The following DLG2 variants were observed in gnomAD, a reference collection of about 807,000 sequenced individuals.
The protein encoded by DLG2 is discs large MAGUK scaffold protein 2.
A neutral mutation model predicts 132.5 loss-of-function variants in DLG2; 45 were observed. That is an observed-to-expected ratio of 0.34 (90% CI 0.27 to 0.44). DLG2 has a LOEUF of 0.44. DLG2 is among the 20% of genes least tolerant of loss of function. The probability of loss-of-function intolerance (pLI) is 1.00; values close to 1 mark genes in which losing one functional copy is unlikely to be tolerated. For synonymous variants in DLG2, 424 were observed against 419.6 expected (o/e 1.01, Z -0.13); for missense variants, 1,045 against 1,196.9 (o/e 0.87, Z 1.87).
At chr11:85,360,711 T>C (rs2084076016) in intron 3 of DLG2, among the ~76,000 whole-genome samples, 1 of 152,184 alleles carries the variant, frequency 6.6e-6, no homozygotes, top group Non-Finnish European at 1.5e-5. Context: ...GCTCACACTT[T>C]CAACTTTACT....
chr11:85,605,132 C>G (rs915593868), intron 2 of DLG2, among the ~76,000 whole-genome samples: 7 of 152,106 alleles, frequency 4.6e-5, no homozygotes, highest in African/African-American at 1.7e-4. Context: ...TTAAAAAGAA[C>G]TTTTAAATGC....
intron 3 of DLG2, among the ~76,000 whole-genome samples, chr11:85,595,928 A>C (rs927543993): frequency 6.6e-6 from 1 of 152,192 alleles, no homozygotes. Flanking sequence ...ATGATGAAGG[A>C]CCACAAAAGG....
chr11:84,966,266 T>G (rs1187328793), intron 6 of DLG2, among the ~76,000 whole-genome samples: 2 of 152,038 alleles, frequency 1.3e-5, no homozygotes, highest in African/African-American at 4.8e-5. Context: ...ATTACCAACA[T>G]ACCCCAGTTA....
chr11:84,410,594 T>C (rs1332550096), intron 7 of DLG2, among the ~76,000 whole-genome samples: 2 of 150,504 alleles, frequency 1.3e-5, no homozygotes, highest in Non-Finnish European at 3.0e-5. Flanking sequence ...TTTTTTTTTT[T>C]TTTGAGATGA....
intron 3 of DLG2, among the ~76,000 whole-genome samples, chr11:85,545,086 T>C (rs2076223425): frequency 6.6e-6 from 1 of 152,228 alleles, no homozygotes; most frequent in Admixed American, 6.5e-5. Flanking sequence ...AAGGGAATGC[T>C]TCCAGTTTTT....
intron 5 of DLG2, among the ~76,000 whole-genome samples, chr11:85,148,418 G>A (rs1282383802): frequency 6.6e-6 from 1 of 151,992 alleles, no homozygotes; most frequent in African/African-American, 2.4e-5. Context: ...AGCATCTATT[G>A]TTTGTTGCTT....
At chr11:83,981,945 T>G (rs1194399368) in intron 11 of DLG2, among the ~76,000 whole-genome samples, 1 of 152,082 alleles carries the variant, frequency 6.6e-6, no homozygotes, top group Non-Finnish European at 1.5e-5. Flanking sequence ...AGTGATAGAG[T>G]ACACATACGA....
At chr11:84,784,481 T>A (rs1240876211) in intron 6 of DLG2, among the ~76,000 whole-genome samples, 1 of 151,950 alleles carries the variant, frequency 6.6e-6, no homozygotes, top group Admixed American at 6.6e-5. Context: ...AAAATAAGAC[T>A]GTGTACCTCC....
At chr11:84,266,629 C>T (rs1292602245) in intron 7 of DLG2, among the ~76,000 whole-genome samples, 1 of 152,190 alleles carries the variant, frequency 6.6e-6, no homozygotes, top group African/African-American at 2.4e-5. Context: ...ACAAAACGCA[C>T]TTGGAACACC....
chr11:85,126,912 C>T (rs2075179753), intron 5 of DLG2, among the ~76,000 whole-genome samples: 1 of 152,066 alleles, frequency 6.6e-6, no homozygotes, highest in Non-Finnish European at 1.5e-5. Flanking sequence ...GAAGGTCATC[C>T]AGCTAGTAAA....
At chr11:83,688,092 G>A (rs190184499) in intron 18 of DLG2, among the ~76,000 whole-genome samples, 1 of 152,000 alleles carries the variant, frequency 6.6e-6, no homozygotes, top group East Asian at 1.9e-4. Flanking sequence ...TCAATCAACT[G>A]TAGAGGTCCC....
chr11:84,060,908 A>G (rs1013412215), intron 10 of DLG2, among the ~76,000 whole-genome samples: 1 of 152,126 alleles, frequency 6.6e-6, no homozygotes, highest in Non-Finnish European at 1.5e-5. Flanking sequence ...GTTGAAATCA[A>G]CATCATCTCT....
In DLG2 at chr11:83,980,528, T is replaced by A. The variant is rs764305037; in HGVS notation, c.1034A>T (p.Gln345Leu). 1 of 1,613,724 alleles carries A rather than the reference T, an allele frequency of 6.2e-7. No homozygotes were observed. The highest frequency in any genetic ancestry group is 1.1e-5 in the South Asian group (1 of 91,046). ...CACCATTAGTAGTCTATCTCCTACT[T>A]GCAACCTTCCATCTTTTTGTGCAGC... ...GGAAQKDGRL[Q>L]VGDRLLMVNN... Residue 345 changes from glutamine to leucine, a missense_variant, in exon 12 of 28, where the codon CAA becomes CTA. Around this residue, in one of 4 missense-constraint regions of DLG2, gnomAD observed 261 missense variants for 256.1 expected, o/e 1.02. Transcript: ENST00000376104.
chr11:84,581,737 T>A (rs1194421982), intron 6 of DLG2, among the ~76,000 whole-genome samples: 3 of 151,900 alleles, frequency 2.0e-5, no homozygotes, highest in Non-Finnish European at 4.4e-5. Flanking sequence ...TGAAAACCCA[T>A]CTGTACTAAA....
At chr11:84,678,419 G>T (rs867327764) in intron 6 of DLG2, among the ~76,000 whole-genome samples, 31 of 152,168 alleles carry the variant, frequency 2.0e-4, no homozygotes, top group Admixed American at 7.9e-4. Flanking sequence ...CGCCATTAAG[G>T]AAGTAGTATA....
intron 6 of DLG2, among the ~76,000 whole-genome samples, chr11:84,830,961 C>T (rs368715291): frequency 1.8e-5 from 2 of 108,268 alleles, no homozygotes; most frequent in South Asian, 3.9e-4. Context: ...TCCCCCCACC[C>T]CCCCCAGCTC....
intron 19 of DLG2, among the ~76,000 whole-genome samples, chr11:83,546,665 TG>T (rs11327008): frequency 0.017 from 2,604 of 152,230 alleles, 85 homozygotes; most frequent in African/African-American, 0.06. Flanking sequence ...TAGGTAGATG[TG>T]TCTCACTCAA....
intron 7 of DLG2, among the ~76,000 whole-genome samples, chr11:84,502,257 TCCTTCCTTCCTTCCTTCCTTC>T (rs1474963662): frequency 3.8e-5 from 2 of 53,102 alleles, no homozygotes; most frequent in East Asian, 3.4e-4. Flanking sequence ...CTTCCTTCCT[TCCTTCCTTCCTTCCTTCCTTC>T]CTTCTTTCTT....
At chr11:84,814,021 A>G (rs1480999728) in intron 6 of DLG2, among the ~76,000 whole-genome samples, 1 of 152,156 alleles carries the variant, frequency 6.6e-6, no homozygotes, top group African/African-American at 2.4e-5. Context: ...GTAACCCCTT[A>G]GGAGAAATAG....
Sources: gnomAD v4.1 joint callset for allele counts (sites outside exome capture counted in the v4.1 genomes callset) on GRCh38, gnomAD v4.1.1 for gene constraint, gnomAD v4.1.1 regional missense constraint, MANE v1.5 for transcripts, NCBI Gene and HGNC (gene_info 2026-07-23, HGNC 2026-07-21) for gene names.